Variants in FBXO43 observed in about 807,000 individuals in gnomAD.
FBXO43 encodes the protein F-box only protein 43.
Under a neutral mutation model 56.7 loss-of-function variants are expected in FBXO43, and 22 were observed. The ratio of observed to expected loss-of-function variants is 0.39; its 90% CI spans 0.28 to 0.55. The LOEUF (loss-of-function observed/expected upper bound fraction) is 0.55. Among genes scored for constraint, FBXO43 ranks in the 20% least tolerant of loss-of-function variants. The pLI is 0.66. For synonymous variants in FBXO43, 306 were observed against 294.5 expected (o/e 1.04, Z -0.40); for missense variants, 733 against 814.9 (o/e 0.90, Z 1.22).
In FBXO43 at chr8:100,145,700, C is replaced by G. The variant is rs1330836197; in HGVS notation, c.-565G>C. ...CGAAGCGGACAGGTGGGAGAGGAGC[C>G]GGGCAGCAGCCGCTGGATGGGCCGG... On this transcript the variant is annotated 5_prime_UTR_variant, in exon 1 of 5. Coordinates refer to ENST00000428847, the MANE Select transcript of FBXO43 (RefSeq NM_001029860.4). 1.3e-5 allele frequency: 2 copies of G among 152,524 alleles called. No individual in the cohort carries two copies. Among genetic ancestry groups the G allele is most frequent in the Non-Finnish European group, 2.9e-5 (2 of 68,274 alleles). The allele number at this position is 152,524 out of a possible 1,614,324, so 9.4% of individuals were successfully genotyped here. A position where few individuals can be genotyped will look rare whatever the true frequency, so the allele number is the denominator to read the frequency against.
chr8:100,142,174 A>C lies in FBXO43; in HGVS notation c.86-6T>G. The C allele has an allele frequency of 6.5e-7, 1 of 1,533,562 alleles. No homozygotes were observed. The highest frequency in any genetic ancestry group is 2.2e-5 in the Admixed American group (1 of 46,214). The allele number at this position is 1,533,562 out of a possible 1,614,324, so 95.0% of individuals were successfully genotyped here. ...CATCTTCAAAATCTCTGTTTCTGCA[A>C]AGTGACAACAAAGTTATTCTGCCTT... is the stretch of plus-strand genomic sequence containing the variant. On this transcript the variant is annotated splice_region_variant and splice_polypyrimidine_tract_variant and intron_variant, in intron 1 of 4. Coordinates refer to ENST00000428847, the MANE Select transcript of FBXO43 (RefSeq NM_001029860.4).
rs756775205 is a variant in FBXO43 at position 100,134,356 on chromosome 8, T to C, written c.1683A>G (p.Val561=). ...GAGTGGCAGCATCCTCGACATTTAA[T>C]ACAGCCCCCTGTGGTAAAGGACAAG... ...TQLKTDSEGA[V]LNVEDAATRL... is the part of the protein sequence containing the mutation. The change falls in exon 4 of 5, where the codon GTA becomes GTG. Residue 561 remains valine (V), a synonymous_variant. Transcript: ENST00000428847. 1 of 1,613,292 alleles carries C rather than the reference T, an allele frequency of 6.2e-7. No homozygotes were observed. The highest frequency in any genetic ancestry group is 1.1e-5 in the South Asian group (1 of 91,034).
intron 2 of FBXO43, among the ~76,000 whole-genome samples, chr8:100,137,991 G>A (rs1384164932): frequency 1.3e-5 from 2 of 152,118 alleles, no homozygotes; most frequent in East Asian, 3.8e-4. Context: ...AACAAGAGAT[G>A]CAGGAAATGA....
At position 100,145,468 on chromosome 8, in the gene FBXO43, A is replaced by T. The variant is rs998440040; in HGVS notation, c.-333T>A. On this transcript the variant is annotated 5_prime_UTR_variant, in exon 1 of 5. Transcript: ENST00000428847. Reference sequence around the variant, plus strand: ...GGTAACGGTCTCACCAGGGCGTCAAAGATCCGCTAGGCCCAGAAAGCCAAG... The same window carrying T: ...GGTAACGGTCTCACCAGGGCGTCAATGATCCGCTAGGCCCAGAAAGCCAAG... The T allele has an allele frequency of 4.6e-5, 9 of 196,620 alleles. No individual in the cohort carries two copies. The highest frequency in any genetic ancestry group is 1.2e-4 in the Admixed American group (2 of 16,622). The allele number at this position is 196,620 out of a possible 1,614,324, so 12.2% of individuals were successfully genotyped here.
In FBXO43 at chr8:100,133,734, T is replaced by A; in HGVS notation, c.*68A>T. 6.8e-7 allele frequency: 1 copy of A among 1,479,684 alleles called. No homozygotes were observed. Among genetic ancestry groups the A allele is most frequent in the Non-Finnish European group, 9.1e-7 (1 of 1,100,528 alleles). 91.7% of individuals were successfully genotyped at this position (1,479,684 alleles called of 1,614,324 possible). A position where few individuals can be genotyped will look rare whatever the true frequency, so the allele number is the denominator to read the frequency against. ...CATTAATGGGAAGATTTGCATGTAT[T>A]CAAAATATTCATAATTTTAAGTCAG... On this transcript the variant is annotated 3_prime_UTR_variant, in exon 5 of 5. Coordinates refer to ENST00000428847, the MANE Select transcript of FBXO43 (RefSeq NM_001029860.4).
intron 1 of FBXO43, among the ~76,000 whole-genome samples, chr8:100,142,707 A>AC (rs1563755172): frequency 1.3e-5 from 2 of 152,258 alleles, no homozygotes; most frequent in African/African-American, 4.8e-5. Flanking sequence ...GACCTGTTGT[A>AC]GAAACCTAGT....
rs1410530602 is a variant in FBXO43, at chr8:100,133,663, A to G, written c.*139T>C. ...ACAACTTTAAAGAAAACATACAATG[A>G]CATCGATTATAATATATACAAAATA... On this transcript the variant is annotated 3_prime_UTR_variant, in exon 5 of 5. Transcript: ENST00000428847. 1.0e-6 allele frequency: 1 copy of G among 970,340 alleles called. No individual in the cohort carries two copies. Among genetic ancestry groups the G allele is most frequent in the Non-Finnish European group, 1.4e-6 (1 of 694,164 alleles). The allele number at this position is 970,340 out of a possible 1,614,324, so 60.1% of individuals were successfully genotyped here. A position where few individuals can be genotyped will look rare whatever the true frequency, so the allele number is the denominator to read the frequency against.
chr8:100,149,312 T>A (rs1814879036), upstream of FBXO43, among the ~76,000 whole-genome samples: 1 of 152,252 alleles, frequency 6.6e-6, no homozygotes, highest in African/African-American at 2.4e-5. Flanking sequence ...ACGAGAATTA[T>A]CTTGATATTT....
upstream of FBXO43, among the ~76,000 whole-genome samples, chr8:100,147,565 G>A (rs1271358894): frequency 6.6e-6 from 1 of 152,204 alleles, no homozygotes; most frequent in Non-Finnish European, 1.5e-5. Flanking sequence ...GGAAGTTCTG[G>A]TTGCACCTTC....
upstream of FBXO43, among the ~76,000 whole-genome samples, chr8:100,147,333 T>G (rs1814853232): frequency 6.6e-6 from 1 of 152,102 alleles, no homozygotes; most frequent in Non-Finnish European, 1.5e-5. Flanking sequence ...ACAGAGTGCA[T>G]GAGATAGATT....
At chr8:100,136,564 A>G (rs1814476445) in intron 3 of FBXO43, among the ~76,000 whole-genome samples, 1 of 152,256 alleles carries the variant, frequency 6.6e-6, no homozygotes, top group African/African-American at 2.4e-5. Context: ...CTTTAAAGCC[A>G]GAATTCAAAT....
In FBXO43 at chr8:100,133,888, A is replaced by C. The variant is rs775005997; in HGVS notation, c.2041T>G (p.Cys681Gly). ...CTTGGCTTTGCTGCTCCTCTACTAC[A>C]TTCTTCAGACCCATGATAAGCACAC... is the stretch of plus-strand genomic sequence containing the variant. ...CLCAYHGSEE[C>G]SRGAAKPRNR... The change falls in exon 5 of 5, where the codon TGT (cysteine) becomes GGT (glycine). Residue 681 changes from cysteine to glycine, a missense_variant. Physicochemically the swap from Cys to Gly is radical, Grantham distance 159. Transcript: ENST00000428847. The C allele has an allele frequency of 1.9e-6, 3 of 1,614,144 alleles. No homozygotes were observed. The highest frequency in any genetic ancestry group is 1.3e-5 in the African/African-American group (1 of 75,014).
chr8:100,140,984 T>C lies in FBXO43; in HGVS notation c.1270A>G (p.Ser424Gly), dbSNP rs1469274727. ...AAGGTCAAATCCCCACTCTCATCAC[T>C]ACTCAGCTGACCCTCTGAGATGGCA... ...ASAISEGQLS[S>G]DESGDLTFSL... The change falls in exon 2 of 5, where the codon AGT becomes GGT. Residue 424 changes from serine to glycine, a missense_variant. By Grantham distance (56) the Ser-to-Gly change is moderately conservative. Transcript: ENST00000428847. 1 of 1,614,266 alleles carries C rather than the reference T, an allele frequency of 6.2e-7. No homozygotes were observed.
chr8:100,144,293 C>T (rs1814749383), intron 1 of FBXO43, among the ~76,000 whole-genome samples: 1 of 151,692 alleles, frequency 6.6e-6, no homozygotes, highest in Non-Finnish European at 1.5e-5. Flanking sequence ...GGGAGAAATG[C>T]TTGAGTCCAG....
chr8:100,140,336 G>A (rs1011903410), intron 2 of FBXO43, among the ~76,000 whole-genome samples: 5 of 152,194 alleles, frequency 3.3e-5, no homozygotes, highest in African/African-American at 9.6e-5. Context: ...CGGGCATGGT[G>A]GTGGGCGCCT....
At chr8:100,138,043 T>C (rs1586343732) in intron 2 of FBXO43, among the ~76,000 whole-genome samples, 1 of 152,330 alleles carries the variant, frequency 6.6e-6, no homozygotes, top group Non-Finnish European at 1.5e-5. Flanking sequence ...TTTCTCCTAT[T>C]CCTGTGTTTA....
intron 1 of FBXO43, among the ~76,000 whole-genome samples, chr8:100,144,414 ATTTTCATCT>A (rs1252963055): frequency 6.6e-6 from 1 of 151,968 alleles, no homozygotes. Flanking sequence ...CTCTGCTAGC[ATTTTCATCT>A]TTCTACTACC....
Position 100,145,800 on chromosome 8 carries a change from C to T in FBXO43, c.-665G>A, listed in dbSNP as rs574530189. The T allele has an allele frequency of 1.2e-4, 18 of 152,518 alleles. No homozygotes were observed. Among genetic ancestry groups the T allele is most frequent in the African/African-American group, 4.3e-4 (18 of 41,580 alleles). 9.4% of individuals were successfully genotyped at this position (152,518 alleles called of 1,614,324 possible). A position where few individuals can be genotyped will look rare whatever the true frequency, so the allele number is the denominator to read the frequency against. ...CGCCAGCTTCGCGTGGGGCCGCTGC[C>T]TTTACCTCCTTAGGTTTGAACGGCC... On this transcript the variant is annotated 5_prime_UTR_variant, in exon 1 of 5. Coordinates refer to ENST00000428847, the MANE Select transcript of FBXO43 (RefSeq NM_001029860.4).
chr8:100,143,115 C>G (rs1262797643), intron 1 of FBXO43, among the ~76,000 whole-genome samples: 1 of 136,822 alleles, frequency 7.3e-6, no homozygotes, highest in East Asian at 2.4e-4. Flanking sequence ...TTTTTAGAAA[C>G]TTGAAATAAA....
Sources: allele counts gnomAD v4.1 joint callset (sites outside exome capture counted in the v4.1 genomes callset), GRCh38; gene constraint gnomAD v4.1.1; transcripts MANE v1.5; gene names NCBI Gene and HGNC (gene_info 2026-07-23, HGNC 2026-07-21).